Variants in GFPT1 observed in about 807,000 individuals in gnomAD.
GFPT1 encodes the protein glutamine--fructose-6-phosphate aminotransferase [isomerizing] 1.
Under a neutral mutation model 92.0 loss-of-function variants are expected in GFPT1, and 40 were observed. That is an observed-to-expected ratio of 0.43 (90% CI 0.34 to 0.57). The LOEUF (loss-of-function observed/expected upper bound fraction) is 0.57, where lower values mean the gene tolerates loss of function less well. Ranked by LOEUF, GFPT1 falls within the 20% of genes least tolerant of loss-of-function variation. GFPT1 has a pLI of 0.02. For synonymous variants in GFPT1, 269 were observed against 280.6 expected (o/e 0.96, Z 0.41); for missense variants, 448 against 869.1 (o/e 0.52, Z 6.09).
Position 69,387,059 on chromosome 2 carries a change from C to A in GFPT1, c.7+6G>T. On this transcript the variant is annotated splice_donor_region_variant and intron_variant, in intron 1 of 19. Transcript: ENST00000357308. ...GCAACACGCCCCCCGCTCCCGGCCC[C>A]CTTACCACACATGATGCCGGAGACA... is the stretch of plus-strand genomic sequence containing the variant. 2 of 1,535,808 alleles carry A rather than the reference C, an allele frequency of 1.3e-6. No individual in the cohort carries two copies. The highest frequency in any genetic ancestry group is 1.7e-6 in the Non-Finnish European group (2 of 1,144,746).
intron 1 of GFPT1, among the ~76,000 whole-genome samples, chr2:69,379,885 AT>A (rs1247038085): frequency 6.6e-6 from 1 of 151,526 alleles, no homozygotes; most frequent in Non-Finnish European, 1.5e-5. Context: ...ACGCCCAGTT[AT>A]TTTTTTATTT....
rs761912599 is a variant in GFPT1, at chr2:69,328,307, C to T, written c.1857G>A (p.Lys619=). 2 of 1,613,992 alleles carry T rather than the reference C, an allele frequency of 1.2e-6. No homozygotes were observed. Among genetic ancestry groups the T allele is most frequent in the South Asian group, 2.2e-5 (2 of 91,068 alleles). The change falls in exon 18 of 20, where the codon AAG becomes AAA. Residue 619 remains lysine, a synonymous_variant. Transcript: ENST00000357308. ...CCACTTGCTGAAGAGCATTCTGACA[C>T]TTGGCATAAGTGTGATCTCTCATGA... ...MIIMRDHTYA[K]CQNALQQVVA...
intron 9 of GFPT1, among the ~76,000 whole-genome samples, chr2:69,352,903 G>C (rs568472440): frequency 6.6e-6 from 1 of 151,630 alleles, no homozygotes; most frequent in African/African-American, 2.4e-5. Context: ...AAAGTTAGCC[G>C]GGTGTGGTGG....
chr2:69,369,135 T>C (rs991253714), intron 3 of GFPT1, among the ~76,000 whole-genome samples: 1 of 152,222 alleles, frequency 6.6e-6, no homozygotes, highest in African/African-American at 2.4e-5. Flanking sequence ...AGTATAGTTA[T>C]TTGGGTGTCT....
chr2:69,377,183 G>A (rs1671891958), intron 1 of GFPT1, among the ~76,000 whole-genome samples: 1 of 146,268 alleles, frequency 6.8e-6, no homozygotes, highest in Non-Finnish European at 1.5e-5. Flanking sequence ...ACTCTAGCCT[G>A]GGCAACAGAG....
chr2:69,329,241 A>T, intron 17 of GFPT1, 56 bp downstream of exon 17: 1 of 1,535,212 alleles, frequency 6.5e-7, no homozygotes, highest in Non-Finnish European at 9.0e-7. Flanking sequence ...AAGTATGACT[A>T]TGTGTCAGGT....
chr2:69,336,651 AC>A (rs1670807525), intron 15 of GFPT1, among the ~76,000 whole-genome samples: 2 of 145,304 alleles, frequency 1.4e-5, no homozygotes, highest in Admixed American at 1.4e-4. Context: ...AAAAAAAAAA[AC>A]TAGCCTGGTG....
intron 15 of GFPT1, among the ~76,000 whole-genome samples, chr2:69,336,339 CAAAAAAA>C (rs61141681): frequency 1.0e-5 from 1 of 98,096 alleles, no homozygotes; most frequent in Non-Finnish European, 2.0e-5. Context: ...AGTCTGTCTC[CAAAAAAA>C]AAAAAAAAAA....
Position 69,387,091 on chromosome 2 carries a change from G to T in GFPT1, c.-20C>A. 1 of 1,536,094 alleles carries T rather than the reference G, an allele frequency of 6.5e-7. No homozygotes were observed. ...ACACATGATGCCGGAGACACGGCCC[G>T]CGAGGCCAGGGGCGAGTGGCTGGCG... On this transcript the variant is annotated 5_prime_UTR_variant, in exon 1 of 20. Transcript: ENST00000357308.
intron 11 of GFPT1, among the ~76,000 whole-genome samples, chr2:69,347,679 C>T (rs955406537): frequency 2.6e-5 from 4 of 151,826 alleles, no homozygotes; most frequent in Non-Finnish European, 5.9e-5. Context: ...GGTTTCTCCA[C>T]GTTGGCAAGG....
Position 69,337,887 on chromosome 2 carries a change from C to T in GFPT1, c.1482+11G>A. The T allele has an allele frequency of 6.2e-7, 1 of 1,609,780 alleles. No homozygotes were observed. Among genetic ancestry groups the T allele is most frequent in the Non-Finnish European group, 8.5e-7 (1 of 1,176,312 alleles). On this transcript the variant is annotated intron_variant, in intron 15 of 19. Transcript: ENST00000357308. Reference sequence around the variant, plus strand: ...TTAAATAATCATCAGAGAAATGAGTCAAGAATTTACCTTTGTACTGGCCAC... The same window carrying T: ...TTAAATAATCATCAGAGAAATGAGTTAAGAATTTACCTTTGTACTGGCCAC...
intron 3 of GFPT1, among the ~76,000 whole-genome samples, chr2:69,369,625 C>A (rs1168770530): frequency 2.6e-5 from 4 of 152,178 alleles, no homozygotes; most frequent in Non-Finnish European, 2.9e-5. Flanking sequence ...GGCATTTAAT[C>A]CAAAGTGAAG....
intron 12 of GFPT1, among the ~76,000 whole-genome samples, chr2:69,343,734 A>G (rs1349411373): frequency 6.6e-6 from 1 of 152,006 alleles, no homozygotes; most frequent in Non-Finnish European, 1.5e-5. Context: ...TTTTTATCTT[A>G]GTTAGTTATA....
rs186049033 is a variant in GFPT1 at position 69,365,094 on chromosome 2, T to A, written c.224-1424A>T. ...TCTTAAAAAAATGGACAGCTCCAGT[T>A]ATTAACTAGTAATGCTCTTAATTTC... On this transcript the variant is annotated intron_variant, in intron 3 of 19. Transcript: ENST00000357308. Among the ~76,000 whole-genome samples, 718 of 152,042 alleles carry A rather than the reference T, an allele frequency of 4.7e-3. 10 individuals are homozygous for A. Among genetic ancestry groups the A allele is most frequent in the Admixed American group, 0.012 (178 of 15,262 alleles).
chr2:69,364,822 C>T (rs1407569340), intron 3 of GFPT1, among the ~76,000 whole-genome samples: 1 of 151,960 alleles, frequency 6.6e-6, no homozygotes, highest in Non-Finnish European at 1.5e-5. Flanking sequence ...TGGTGAAACC[C>T]TGTCTCTACT....
chr2:69,337,060 A>ATTT (rs376497924), intron 15 of GFPT1, among the ~76,000 whole-genome samples: 1 of 118,504 alleles, frequency 8.4e-6, no homozygotes, highest in East Asian at 2.3e-4. Flanking sequence ...CAAATTTTAA[A>ATTT]TTTTTTTTTT....
intron 15 of GFPT1, among the ~76,000 whole-genome samples, chr2:69,331,468 G>A (rs1259900693): frequency 6.6e-6 from 1 of 152,074 alleles, no homozygotes; most frequent in African/African-American, 2.4e-5. Flanking sequence ...GATTTTCAGA[G>A]TTTACCACTT....
At chr2:69,382,969 A>G (rs545132722) in intron 1 of GFPT1, among the ~76,000 whole-genome samples, 1 of 152,348 alleles carries the variant, frequency 6.6e-6, no homozygotes, top group African/African-American at 2.4e-5. Context: ...CTGATCAGGC[A>G]GCAATTTCTT....
intron 7 of GFPT1, among the ~76,000 whole-genome samples, chr2:69,355,368 A>T (rs1435031284): frequency 6.6e-6 from 1 of 151,610 alleles, no homozygotes; most frequent in African/African-American, 2.4e-5. Context: ...ATGAGTCACC[A>T]CGCCCAGCCT....
Sources: allele counts gnomAD v4.1 joint callset (sites outside exome capture counted in the v4.1 genomes callset), GRCh38; gene constraint gnomAD v4.1.1; transcripts MANE v1.5; gene names NCBI Gene and HGNC (gene_info 2026-07-23, HGNC 2026-07-21).